Variants in NT5C2 observed in about 807,000 individuals in gnomAD.
The protein encoded by NT5C2 is cytosolic purine 5'-nucleotidase.
NT5C2 carries 58 observed loss-of-function variants against 76.1 expected under a neutral mutation model. That is an observed-to-expected ratio of 0.76 (90% CI 0.62 to 0.95). The LOEUF is 0.95. Ranked by LOEUF, NT5C2 falls within the 40% of genes least tolerant of loss-of-function variation. The probability of loss-of-function intolerance (pLI) is 0.00; values close to 1 mark genes in which losing one functional copy is unlikely to be tolerated. For missense variants in NT5C2, 478 were observed against 690.3 expected, an observed-to-expected ratio of 0.69 and a Z score of 3.45; for synonymous variants, 229 against 237.4, an observed-to-expected ratio of 0.96 and a Z score of 0.32.
chr10:103,172,247 A>AT (rs34644789), intron 3 of NT5C2, among the ~76,000 whole-genome samples: 41,794 of 141,104 alleles, frequency 0.3, 6,326 homozygotes, highest in Middle Eastern at 0.35. Context: ...TTAACTTTAA[A>AT]TTTTTTTTTT....
intron 3 of NT5C2, among the ~76,000 whole-genome samples, chr10:103,162,765 ATTC>A (rs1464742389): frequency 1.3e-5 from 2 of 152,194 alleles, no homozygotes; most frequent in Non-Finnish European, 2.9e-5. Flanking sequence ...TAACAGCATT[ATTC>A]TTATTTTTTT....
At chr10:103,139,916 C>T (rs1424412059) in intron 3 of NT5C2, among the ~76,000 whole-genome samples, 3 of 151,918 alleles carry the variant, frequency 2.0e-5, no homozygotes, top group Admixed American at 1.3e-4. Flanking sequence ...CCTTCCCCAA[C>T]ACTGTTTTGT....
chr10:103,186,036 A>G (rs1241218851), intron 1 of NT5C2, among the ~76,000 whole-genome samples: 3 of 152,180 alleles, frequency 2.0e-5, no homozygotes, highest in Admixed American at 6.6e-5. Flanking sequence ...GAACAACCCT[A>G]TATGTTAGGT....
intron 1 of NT5C2, among the ~76,000 whole-genome samples, chr10:103,192,754 G>A (rs2092732370): frequency 6.6e-6 from 1 of 152,240 alleles, no homozygotes; most frequent in Non-Finnish European, 1.5e-5. Context: ...CTGGGGGCGG[G>A]GAGGCTTTTA....
At chr10:103,123,054 G>C (rs1184106582) in intron 4 of NT5C2, among the ~76,000 whole-genome samples, 1 of 152,066 alleles carries the variant, frequency 6.6e-6, no homozygotes, top group Non-Finnish European at 1.5e-5. Context: ...ATGAACCTAA[G>C]ATGGGAAGGA....
In NT5C2 at chr10:103,178,494, G is replaced by C. The variant is rs377540400; in HGVS notation, c.-25+2691C>G. 1.1e-3 allele frequency among the ~76,000 whole-genome samples: 173 copies of C among 151,978 alleles called. 5 individuals are homozygous for C. The South Asian group carries it at 0.033, about 29-fold the overall frequency. ...CAGCAGAGGTTGCAGTGAGGCGGAG[G>C]TTGAAGCAGAGCTTGCAGTGAGCTG... On this transcript the variant is annotated intron_variant, in intron 2 of 18. Transcript: ENST00000404739.
chr10:103,112,785 A>G (rs948193066), intron 4 of NT5C2, among the ~76,000 whole-genome samples: 1 of 152,228 alleles, frequency 6.6e-6, no homozygotes, highest in Admixed American at 6.5e-5. Flanking sequence ...CTTTTATGTT[A>G]TAAGAATGAT....
chr10:103,107,271 C>T (rs2071536005), intron 4 of NT5C2, among the ~76,000 whole-genome samples: 1 of 152,178 alleles, frequency 6.6e-6, no homozygotes, highest in African/African-American at 2.4e-5. Flanking sequence ...CTTATCAGCT[C>T]TAACAATGTA....
chr10:103,097,857 C>T (rs1173452667), intron 10 of NT5C2: 1 of 363,294 alleles, frequency 2.8e-6, no homozygotes, highest in African/African-American at 2.2e-5. Flanking sequence ...ATACCCACAC[C>T]CACGTGCGCT....
At chr10:103,134,679 G>A (rs992844529) in intron 4 of NT5C2, among the ~76,000 whole-genome samples, 2 of 152,094 alleles carry the variant, frequency 1.3e-5, no homozygotes, top group South Asian at 2.1e-4. Flanking sequence ...GAGGATCACC[G>A]TCCTCCAGAC....
intron 2 of NT5C2, among the ~76,000 whole-genome samples, chr10:103,177,551 T>C (rs1249022556): frequency 2.6e-5 from 4 of 152,130 alleles, no homozygotes; most frequent in Non-Finnish European, 4.4e-5. Context: ...TGAGACAGGG[T>C]CTCACTGTTG....
intron 5 of NT5C2, 21 bp downstream of exon 5, chr10:103,106,567 CA>C: frequency 6.7e-7 from 1 of 1,484,982 alleles, no homozygotes; most frequent in Non-Finnish European, 9.4e-7. Flanking sequence ...AGTCTTAATC[CA>C]AAAATATCTT....
chr10:103,105,813 T>C lies in NT5C2; in HGVS notation c.294-12A>G. 2 of 1,580,266 alleles carry C rather than the reference T, an allele frequency of 1.3e-6. No homozygotes were observed. The highest frequency in any genetic ancestry group is 2.7e-5 in the African/African-American group (2 of 74,334). ...CAAAGACAAGTCCCCTATGTGAAAA[T>C]GAAGACATTATTGATAATGCAAAGT... On this transcript the variant is annotated splice_polypyrimidine_tract_variant and intron_variant, in intron 5 of 18. Transcript: ENST00000404739.
At chr10:103,155,777 G>A (rs2083243106) in intron 3 of NT5C2, among the ~76,000 whole-genome samples, 1 of 152,144 alleles carries the variant, frequency 6.6e-6, no homozygotes, top group Admixed American at 6.5e-5. Context: ...AAAAAGATCA[G>A]TCTTAGAGAG....
chr10:103,167,650 G>C (rs914114508), intron 3 of NT5C2, among the ~76,000 whole-genome samples: 4 of 150,212 alleles, frequency 2.7e-5, no homozygotes, highest in African/African-American at 9.8e-5. Context: ...TTTTGTTTTT[G>C]AGACACAGTC....
chr10:103,098,843 CCATTT>C, intron 10 of NT5C2, 83 bp downstream of exon 10: 1 of 923,792 alleles, frequency 1.1e-6, no homozygotes, highest in Non-Finnish European at 1.7e-6. Flanking sequence ...CTTCTTTTGT[CCATTT>C]CATTATAAAT....
chr10:103,110,133 T>C (rs539655657), intron 4 of NT5C2, among the ~76,000 whole-genome samples: 1 of 152,126 alleles, frequency 6.6e-6, no homozygotes, highest in African/African-American at 2.4e-5. Flanking sequence ...TCTCTTTGAG[T>C]CTCCAAAAGC....
Position 103,188,676 on chromosome 10 carries a change from C to G in NT5C2, c.-169+4560G>C, listed in dbSNP as rs2092332180. Among the ~76,000 whole-genome samples the G allele has an allele frequency of 1.3e-5, 2 of 152,102 alleles. 1 individual carries two copies. The highest frequency in any genetic ancestry group is 4.1e-4 in the South Asian group (2 of 4,832). On this transcript the variant is annotated intron_variant, in intron 1 of 18. Transcript: ENST00000404739. ...TTTTACAATTTTTTACGATCAGTTGCCCACATTTATAAATCAGAAAATTCT... is the reference window on the plus strand; with the variant it reads ...TTTTACAATTTTTTACGATCAGTTGGCCACATTTATAAATCAGAAAATTCT...
chr10:103,150,133 A>G (rs1163249), intron 3 of NT5C2, among the ~76,000 whole-genome samples: 129,091 of 152,126 alleles, frequency 0.85, 55,248 homozygotes, highest in African/African-American at 0.96. Flanking sequence ...GTCTGATAAC[A>G]GTATACACTC....
Sources: allele counts gnomAD v4.1 joint callset (sites outside exome capture counted in the v4.1 genomes callset), GRCh38; gene constraint gnomAD v4.1.1; transcripts MANE v1.5; gene names NCBI Gene and HGNC (gene_info 2026-07-23, HGNC 2026-07-21).